The following TM7SF3 variants were observed in gnomAD, a reference collection of about 807,000 sequenced individuals.
The protein encoded by TM7SF3 is seven span transmembrane protein.
In TM7SF3, 60 loss-of-function variants were observed where a neutral mutation model predicts 65.5. That is an observed-to-expected ratio of 0.92 (90% CI 0.74 to 1.14). TM7SF3 has a LOEUF of 1.14. Ranked by LOEUF, TM7SF3 falls within the 50% of genes most tolerant of loss-of-function variation. The probability of loss-of-function intolerance (pLI) is 0.00; values close to 1 mark genes in which losing one functional copy is unlikely to be tolerated. For synonymous variants in TM7SF3, 264 were observed against 259.6 expected (o/e 1.02, Z -0.16); for missense variants, 623 against 684.8 (o/e 0.91, Z 1.01).
intron 1 of TM7SF3, among the ~76,000 whole-genome samples, chr12:27,013,447 G>C (rs576600343): frequency 1.3e-5 from 2 of 152,302 alleles, no homozygotes; most frequent in South Asian, 4.1e-4. Flanking sequence ...GTAGAATTGA[G>C]GGTATACACA....
At chr12:26,991,527 C>T (rs11048800) in intron 5 of TM7SF3, among the ~76,000 whole-genome samples, 11,196 of 152,194 alleles carry the variant, frequency 0.074, 518 homozygotes, top group Non-Finnish European at 0.1. Flanking sequence ...ACCATAATAC[C>T]TATGTTCCTA....
chr12:27,003,292 A>G lies in TM7SF3; in HGVS notation c.190T>C (p.Phe64Leu), dbSNP rs758358292. ...TGTGAGTGTATTTGGAAAATAAGAAAAGTCACATTGCTTGAAATATCATGC... is the reference window on the plus strand; with the variant it reads ...TGTGAGTGTATTTGGAAAATAAGAAGAGTCACATTGCTTGAAATATCATGC... ...ILHDISSNVTFLIFQIHSQYQ... is the reference protein window; with the variant it reads ...ILHDISSNVTLLIFQIHSQYQ... Residue 64 changes from phenylalanine to leucine, a missense_variant, in exon 2 of 12, where the codon TTT becomes CTT. Coordinates refer to ENST00000343028, the MANE Select transcript of TM7SF3 (RefSeq NM_016551.3). The G allele has an allele frequency of 1.5e-5, 24 of 1,613,386 alleles. No homozygotes were observed. Among genetic ancestry groups the G allele is most frequent in the Middle Eastern group, 1.6e-4 (1 of 6,080 alleles).
At chr12:27,000,648 A>T (rs186808088) in intron 2 of TM7SF3, among the ~76,000 whole-genome samples, 6 of 152,142 alleles carry the variant, frequency 3.9e-5, no homozygotes, top group Admixed American at 6.5e-5. Context: ...TTTAGTAGAG[A>T]CGAGGTTTCA....
Position 26,976,353 on chromosome 12 carries a change from G to C in TM7SF3, c.1194C>G (p.Asn398Lys), listed in dbSNP as rs766325896. 1 of 1,612,518 alleles carries C rather than the reference G, an allele frequency of 6.2e-7. No individual in the cohort carries two copies. The highest frequency in any genetic ancestry group is 8.5e-7 in the Non-Finnish European group (1 of 1,178,966). ...SSVTFFTPLG[N>K]LKIFHDDGVF... ...CACCATCATCATGAAAAATCTTTAG[G>C]TTTCCTGAAAAAGCAAAAAGAAACT... is the stretch of plus-strand genomic sequence containing the variant. Residue 398 changes from asparagine (N) to lysine (K), a missense_variant, in exon 10 of 12, where the codon AAC (asparagine) becomes AAG (lysine). Transcript: ENST00000343028.
In TM7SF3 at chr12:26,999,914, A is replaced by G. The variant is rs533989040; in HGVS notation, c.247-238T>C. On this transcript the variant is annotated intron_variant, in intron 2 of 11. Transcript: ENST00000343028. ...TTAGTTAAGGCTGCTATAACAAAGTACCACAGGTAAGGTGGTTATAAACAA... is the reference window on the plus strand; with the variant it reads ...TTAGTTAAGGCTGCTATAACAAAGTGCCACAGGTAAGGTGGTTATAAACAA... 9.0e-6 allele frequency: 4 copies of G among 442,496 alleles called. No homozygotes were observed. The Admixed American group carries it at 1.4e-4, about 15-fold the overall frequency. The allele number at this position is 442,496 out of a possible 1,614,324, so 27.4% of individuals were successfully genotyped here.
At chr12:26,996,547 G>A (rs193042530) in intron 4 of TM7SF3, among the ~76,000 whole-genome samples, 195 bp downstream of exon 4, 138 of 152,274 alleles carry the variant, frequency 9.1e-4, no homozygotes, top group Admixed American at 4.1e-3. Context: ...GAGTTCACAA[G>A]AATGAAGTGG....
At chr12:26,976,035 CT>C (rs1259518013) in intron 10 of TM7SF3, among the ~76,000 whole-genome samples, 2 of 152,096 alleles carry the variant, frequency 1.3e-5, no homozygotes, top group Non-Finnish European at 2.9e-5. Context: ...AGCATATTGA[CT>C]GTGATGCTCC....
chr12:26,997,819 C>T (rs1018812537), intron 3 of TM7SF3, among the ~76,000 whole-genome samples: 1 of 136,678 alleles, frequency 7.3e-6, no homozygotes, highest in African/African-American at 2.7e-5. Context: ...TAACTTACCA[C>T]TTCCTTTTTT....
At chr12:26,974,314 A>G in intron 11 of TM7SF3, 87 bp from the exon 12 acceptor site, 2 of 1,377,328 alleles carry the variant, frequency 1.5e-6, no homozygotes, top group Non-Finnish European at 2.0e-6. Flanking sequence ...CTAAATCTGT[A>G]TATTCCTTTC....
At chr12:26,984,974 A>T (rs1939979396) in intron 6 of TM7SF3, among the ~76,000 whole-genome samples, 1 of 152,186 alleles carries the variant, frequency 6.6e-6, no homozygotes, top group African/African-American at 2.4e-5. Flanking sequence ...CTCCAAGCTC[A>T]GGAAAAGCAC....
Position 27,007,471 on chromosome 12 carries a change from A to G in TM7SF3, c.92-4081T>C, listed in dbSNP as rs371852953. Among the ~76,000 whole-genome samples the G allele has an allele frequency of 3.3e-5, 5 of 152,112 alleles. No individual in the cohort carries two copies. The East Asian group carries it at 9.6e-4, about 29-fold the overall frequency. On this transcript the variant is annotated intron_variant, in intron 1 of 11. Coordinates refer to ENST00000343028, the MANE Select transcript of TM7SF3 (RefSeq NM_016551.3). ...ATAGTGACCATAAGGTGTCCTTTTCATAAGAAATTATAATACAGTGATTAT... is the reference window on the plus strand; with the variant it reads ...ATAGTGACCATAAGGTGTCCTTTTCGTAAGAAATTATAATACAGTGATTAT...
chr12:27,000,467 T>C (rs1221828462), intron 2 of TM7SF3, among the ~76,000 whole-genome samples: 1 of 152,162 alleles, frequency 6.6e-6, no homozygotes, highest in East Asian at 1.9e-4. Flanking sequence ...GTATAATTTT[T>C]CTTTTTTTTT....
intron 1 of TM7SF3, among the ~76,000 whole-genome samples, chr12:27,010,878 T>A (rs1207657319): frequency 2.0e-5 from 3 of 152,212 alleles, no homozygotes; most frequent in Non-Finnish European, 4.4e-5. Context: ...ATCCTAATAC[T>A]TTCCTTTTTC....
rs1939796576 is a variant in TM7SF3, at chr12:26,981,148, AC to A, written c.956-503del. ...ATCCTGTTTAGAATGATCAATCATTACCTTCATCCATTAAAACACCTGGTAA... is the reference window on the plus strand; with the variant it reads ...ATCCTGTTTAGAATGATCAATCATTACTTCATCCATTAAAACACCTGGTAA... On this transcript the variant is annotated intron_variant, in intron 7 of 11. Transcript: ENST00000343028. Among the ~76,000 whole-genome samples the A allele has an allele frequency of 2.6e-5, 4 of 152,356 alleles. No homozygotes were observed. The South Asian group carries it at 8.3e-4, about 32-fold the overall frequency.
rs528810574 is a variant in TM7SF3, at chr12:26,972,102, T to C, written c.*1863A>G. 1 of 152,302 alleles carries C rather than the reference T, an allele frequency of 6.6e-6. No individual in the cohort carries two copies. The highest frequency in any genetic ancestry group is 2.1e-4 in the South Asian group (1 of 4,828). 9.4% of individuals were successfully genotyped at this position (152,302 alleles called of 1,614,324 possible). On this transcript the variant is annotated 3_prime_UTR_variant, in exon 12 of 12. Transcript: ENST00000343028. ...CTGCAGAGTCACCAGCTCACAATAA[T>C]TCAGTGCTCTGAAAGCTGGGGGGAA...
chr12:26,973,618 A>G lies in TM7SF3; in HGVS notation c.*347T>C, dbSNP rs1939447273. The G allele has an allele frequency of 5.5e-6, 1 of 182,416 alleles. No individual in the cohort carries two copies. Among genetic ancestry groups the G allele is most frequent in the South Asian group, 1.5e-4 (1 of 6,796 alleles). The allele number at this position is 182,416 out of a possible 1,614,324, so 11.3% of individuals were successfully genotyped here. A position where few individuals can be genotyped will look rare whatever the true frequency, so the allele number is the denominator to read the frequency against. On this transcript the variant is annotated 3_prime_UTR_variant, in exon 12 of 12. Coordinates refer to ENST00000343028, the MANE Select transcript of TM7SF3 (RefSeq NM_016551.3). ...TGAGAGACTTGTTTCAAGGGGTTAT[A>G]AAAAGAAACACCAGTGCTCTGCAGA...
At chr12:27,001,661 T>C (rs573742183) in intron 2 of TM7SF3, among the ~76,000 whole-genome samples, 7 of 152,340 alleles carry the variant, frequency 4.6e-5, no homozygotes, top group African/African-American at 1.7e-4. Context: ...CTTGCTGTAA[T>C]GTCATTAGGA....
chr12:27,012,538 C>T (rs533627519), intron 1 of TM7SF3, among the ~76,000 whole-genome samples: 97 of 152,252 alleles, frequency 6.4e-4, no homozygotes, highest in African/African-American at 2.1e-3. Context: ...CAAAACAAAA[C>T]AGAATGTGCT....
chr12:26,999,655 C>G lies in TM7SF3; in HGVS notation c.268G>C (p.Glu90Gln), dbSNP rs1940751126. 6.2e-7 allele frequency: 1 copy of G among 1,613,918 alleles called. No homozygotes were observed. Among genetic ancestry groups the G allele is most frequent in the African/African-American group, 1.3e-5 (1 of 74,886 alleles). ...FSPTLLSNSS[E>Q]TGTASGLVFI... ...ACCAGTCCACTGGCAGTGCCTGTTT[C>G]CGAGGAATTGGAAAGGAGAGTCTGC... The change falls in exon 3 of 12, where the codon GAA becomes CAA. Residue 90 changes from glutamate to glutamine, a missense_variant. Transcript: ENST00000343028.
Sources: gnomAD v4.1 joint callset for allele counts (sites outside exome capture counted in the v4.1 genomes callset) on GRCh38, gnomAD v4.1.1 for gene constraint, MANE v1.5 for transcripts, NCBI Gene and HGNC (gene_info 2026-07-23, HGNC 2026-07-21) for gene names.